The following JMJD1C variants were observed in gnomAD, a reference collection of about 807,000 sequenced individuals.
The protein encoded by JMJD1C is jumonji domain containing 1C, also known as jumonji domain-containing protein 1C.
A neutral mutation model predicts 245.3 loss-of-function variants in JMJD1C; 31 were observed. The ratio of observed to expected loss-of-function variants is 0.13; its 90% CI spans 0.09 to 0.17. The LOEUF is 0.17. Ranked by LOEUF, JMJD1C falls within the 10% of genes least tolerant of loss-of-function variation. The probability of loss-of-function intolerance (pLI) is 1.00; values close to 1 mark genes in which losing one functional copy is unlikely to be tolerated. For missense variants in JMJD1C, 2,691 were observed against 3,000.2 expected, an observed-to-expected ratio of 0.90 and a Z score of 2.41; for synonymous variants, 1,057 against 1,017.4, an observed-to-expected ratio of 1.04 and a Z score of -0.74.
intron 1 of JMJD1C, among the ~76,000 whole-genome samples, chr10:63,491,089 T>G (rs1283917586): frequency 6.6e-6 from 1 of 152,174 alleles, no homozygotes; most frequent in Non-Finnish European, 1.5e-5. Context: ...ATTTAGTGTG[T>G]GGGCAAGATA....
intron 2 of JMJD1C, among the ~76,000 whole-genome samples, chr10:63,375,666 T>C (rs796129501): frequency 3.4e-4 from 52 of 152,174 alleles, no homozygotes; most frequent in African/African-American, 1.2e-3. Flanking sequence ...TCCTTCAGAC[T>C]TAGCCTCTCA....
rs566303528 is a variant in JMJD1C, at chr10:63,205,000, G to A, written c.5074+1595C>T. The A allele has an allele frequency of 1.2e-5, 12 of 985,166 alleles. No individual in the cohort carries two copies. The East Asian group carries it at 1.2e-3, about 103-fold the overall frequency. 61.0% of individuals were successfully genotyped at this position (985,166 alleles called of 1,614,324 possible). On this transcript the variant is annotated intron_variant, in intron 10 of 25. Transcript: ENST00000399262. ...ATGTGGATGAACACACGGACATAGTGAAACTAAGTGCTTTCTGCATTGTGC... is the reference window on the plus strand; with the variant it reads ...ATGTGGATGAACACACGGACATAGTAAAACTAAGTGCTTTCTGCATTGTGC...
intron 2 of JMJD1C, among the ~76,000 whole-genome samples, chr10:63,341,114 C>G (rs775552974): frequency 2.6e-5 from 4 of 152,160 alleles, no homozygotes; most frequent in Admixed American, 6.6e-5. Context: ...GTATTCTGAT[C>G]ATGACACAAG....
chr10:63,252,855 T>C (rs1853290419), intron 3 of JMJD1C, among the ~76,000 whole-genome samples: 1 of 152,226 alleles, frequency 6.6e-6, no homozygotes, highest in African/African-American at 2.4e-5. Context: ...TGAAAGAGAA[T>C]CAAGTATTTT....
At chr10:63,252,572 G>A (rs916168138) in intron 3 of JMJD1C, among the ~76,000 whole-genome samples, 1 of 152,144 alleles carries the variant, frequency 6.6e-6, no homozygotes, top group Admixed American at 6.5e-5. Context: ...AATTCCAAGA[G>A]CCAATCAATA....
At chr10:63,237,811 A>C (rs1236308316) in intron 3 of JMJD1C, among the ~76,000 whole-genome samples, 1 of 151,998 alleles carries the variant, frequency 6.6e-6, no homozygotes, top group Non-Finnish European at 1.5e-5. Context: ...GGGGTTTTTC[A>C]GATTTTAGAT....
At chr10:63,364,761 A>G (rs1945700662) in intron 2 of JMJD1C, among the ~76,000 whole-genome samples, 1 of 152,224 alleles carries the variant, frequency 6.6e-6, no homozygotes, top group Non-Finnish European at 1.5e-5. Flanking sequence ...TGCTGGGAGT[A>G]CAGGCCACCT....
At chr10:63,271,435 C>T (rs1011891923) in intron 2 of JMJD1C, among the ~76,000 whole-genome samples, 3 of 152,122 alleles carry the variant, frequency 2.0e-5, no homozygotes, top group Admixed American at 6.5e-5. Flanking sequence ...ATCTCAGCCT[C>T]TCAAAGTGCT....
At chr10:63,261,431 A>G (rs1404751958) in intron 3 of JMJD1C, among the ~76,000 whole-genome samples, 1 of 152,102 alleles carries the variant, frequency 6.6e-6, no homozygotes, top group Admixed American at 6.5e-5. Context: ...AAATACAAAT[A>G]TTAGCTGGGA....
intron 2 of JMJD1C, among the ~76,000 whole-genome samples, chr10:63,294,663 T>C (rs1859167509): frequency 6.6e-6 from 1 of 152,228 alleles, no homozygotes; most frequent in South Asian, 2.1e-4. Flanking sequence ...ATTAATCCTT[T>C]CCTGCTTTAT....
intron 2 of JMJD1C, among the ~76,000 whole-genome samples, chr10:63,357,392 G>A (rs1186045495): frequency 5.3e-5 from 8 of 152,088 alleles, no homozygotes; most frequent in Admixed American, 3.3e-4. Context: ...AGCAACCTAC[G>A]CCTCCCAGGT....
At chr10:63,278,091 G>A (rs1335997567) in intron 2 of JMJD1C, among the ~76,000 whole-genome samples, 1 of 151,894 alleles carries the variant, frequency 6.6e-6, no homozygotes, top group Non-Finnish European at 1.5e-5. Context: ...AAGCTTTAAG[G>A]AACTTGACTT....
chr10:63,225,961 C>A (rs910015664), intron 3 of JMJD1C, among the ~76,000 whole-genome samples: 5 of 145,442 alleles, frequency 3.4e-5, no homozygotes, highest in African/African-American at 1.3e-4. Context: ...TCTGTGACTT[C>A]CAGGGCTCAG....
chr10:63,203,893 A>T (rs1846304084), intron 10 of JMJD1C: 1 of 981,214 alleles, frequency 1.0e-6, no homozygotes, highest in African/African-American at 1.7e-5. Context: ...TGACAATTCT[A>T]CTAAACAATA....
At chr10:63,337,561 A>G (rs1233018228) in intron 2 of JMJD1C, among the ~76,000 whole-genome samples, 2 of 30,158 alleles carry the variant, frequency 6.6e-5, no homozygotes, top group African/African-American at 4.3e-4. Context: ...AAGAAAAGAA[A>G]AGAAAAGAAA....
At chr10:63,198,872 C>G (rs1808870548) in intron 11 of JMJD1C, 145 bp from the exon 12 acceptor site, 2 of 505,598 alleles carry the variant, frequency 4.0e-6, no homozygotes, top group Admixed American at 7.5e-5. Context: ...TAATTCTTCA[C>G]ACACTAATTA....
At chr10:63,453,062 G>A (rs1274584594) in intron 1 of JMJD1C, among the ~76,000 whole-genome samples, 9 of 152,212 alleles carry the variant, frequency 5.9e-5, no homozygotes, top group African/African-American at 1.9e-4. Context: ...ATCACTTGAG[G>A]TCAGGAGTTT....
At chr10:63,170,686 A>G (rs1448225459) in intron 24 of JMJD1C, among the ~76,000 whole-genome samples, 1 of 152,202 alleles carries the variant, frequency 6.6e-6, no homozygotes, top group African/African-American at 2.4e-5. Context: ...TTTTAAAATG[A>G]CTTTTAGAAC....
At chr10:63,253,248 T>TA in intron 3 of JMJD1C, among the ~76,000 whole-genome samples, 1 of 152,184 alleles carries the variant, frequency 6.6e-6, no homozygotes, top group South Asian at 2.1e-4. Flanking sequence ...AGCACAGAAA[T>TA]AAACTGTTAC....
Sources: allele counts gnomAD v4.1 joint callset (sites outside exome capture counted in the v4.1 genomes callset), GRCh38; gene constraint gnomAD v4.1.1; transcripts MANE v1.5; gene names NCBI Gene and HGNC (gene_info 2026-07-23, HGNC 2026-07-21).